Variants in NALF1 observed in about 807,000 individuals in gnomAD.
NALF1 encodes the protein family with sequence similarity 155 member A.
NALF1 carries 3 observed loss-of-function variants against 48.4 expected under a neutral mutation model. That is an observed-to-expected ratio of 0.06 (90% CI 0.03 to 0.16). The LOEUF (loss-of-function observed/expected upper bound fraction) is 0.16. NALF1 is among the 10% of genes least tolerant of loss of function. The pLI is 1.00. For synonymous variants in NALF1, 262 were observed against 245.7 expected (o/e 1.07, Z -0.62); for missense variants, 526 against 571.5 (o/e 0.92, Z 0.81).
chr13:107,241,624 T>C (rs941408939), intron 1 of NALF1, among the ~76,000 whole-genome samples: 2 of 152,204 alleles, frequency 1.3e-5, no homozygotes, highest in Non-Finnish European at 2.9e-5. Context: ...TAAGGATCGA[T>C]ACAGGCAAAG....
At chr13:107,553,272 C>A (rs1877351155) in intron 1 of NALF1, among the ~76,000 whole-genome samples, 2 of 152,174 alleles carry the variant, frequency 1.3e-5, no homozygotes, top group South Asian at 4.1e-4. Context: ...ATGTACTTCA[C>A]ATTTCAGAAA....
chr13:107,799,469 T>C (rs940465641), intron 1 of NALF1, among the ~76,000 whole-genome samples: 2 of 152,180 alleles, frequency 1.3e-5, no homozygotes, highest in African/African-American at 4.8e-5. Flanking sequence ...CTTTTCCTCA[T>C]ATATTTGAAC....
At chr13:107,370,839 A>G (rs145254673) in intron 1 of NALF1, among the ~76,000 whole-genome samples, 2,941 of 152,302 alleles carry the variant, frequency 0.019, 49 homozygotes, top group South Asian at 0.04. Context: ...CCTTCTTCAC[A>G]TGGCAGCAGC....
intron 1 of NALF1, among the ~76,000 whole-genome samples, chr13:107,675,857 C>T (rs1881107295): frequency 6.6e-6 from 1 of 152,126 alleles, no homozygotes; most frequent in African/African-American, 2.4e-5. Context: ...CTAAAAAATG[C>T]ATTTTCCATA....
intron 1 of NALF1, among the ~76,000 whole-genome samples, chr13:107,509,114 T>C (rs1875798571): frequency 6.6e-6 from 1 of 152,168 alleles, no homozygotes; most frequent in Admixed American, 6.6e-5. Flanking sequence ...GGCTCAAATA[T>C]ACAAATTCAG....
chr13:107,272,694 G>A lies in NALF1; in HGVS notation c.916-61939C>T, dbSNP rs559227364. 2.7e-3 allele frequency among the ~76,000 whole-genome samples: 414 copies of A among 152,240 alleles called. 1 individual carries two copies. The highest frequency in any genetic ancestry group is 3.5e-3 in the Non-Finnish European group (236 of 68,028). ...AATGACTTTGTAGGATCATCAGAAA[G>A]TATAAATGAGTATCAAAATATATTT... On this transcript the variant is annotated intron_variant, in intron 1 of 2. Coordinates refer to ENST00000375915, the MANE Select transcript of NALF1 (RefSeq NM_001080396.3).
At chr13:107,643,719 A>G (rs764920927) in intron 1 of NALF1, among the ~76,000 whole-genome samples, 5 of 152,100 alleles carry the variant, frequency 3.3e-5, no homozygotes, top group Non-Finnish European at 7.4e-5. Context: ...TACATTTTCA[A>G]TTTTGAAAGT....
At chr13:107,496,901 G>T (rs1875357405) in intron 1 of NALF1, among the ~76,000 whole-genome samples, 1 of 152,068 alleles carries the variant, frequency 6.6e-6, no homozygotes, top group African/African-American at 2.4e-5. Context: ...CTGCTTCCAG[G>T]ATTCAATTAC....
At position 107,497,490 on chromosome 13, in the gene NALF1, G is replaced by A. The variant is rs141900759; in HGVS notation, c.916-286735C>T. ...TATGGTCATCTCTACAAATATGGTC[G>A]TGCTGATCACCAGGTTTATCTGCCA... On this transcript the variant is annotated intron_variant, in intron 1 of 2. Coordinates refer to ENST00000375915, the MANE Select transcript of NALF1 (RefSeq NM_001080396.3). Among the ~76,000 whole-genome samples, 6 of 152,108 alleles carry A rather than the reference G, an allele frequency of 3.9e-5. No individual in the cohort carries two copies. The South Asian group carries it at 8.3e-4, about 21-fold the overall frequency.
At chr13:107,638,201 A>ATATATATATATATATGTATG (rs372122331) in intron 1 of NALF1, among the ~76,000 whole-genome samples, 1,758 of 110,794 alleles carry the variant, frequency 0.016, 128 homozygotes, top group Non-Finnish European at 0.02. Flanking sequence ...ATATATATAT[A>ATATATATATATATATGTATG]TATATAATTT....
intron 1 of NALF1, among the ~76,000 whole-genome samples, chr13:107,454,374 C>T (rs1379929990): frequency 6.6e-6 from 1 of 152,054 alleles, no homozygotes; most frequent in African/African-American, 2.4e-5. Context: ...TGGCAGAAGA[C>T]AAAGGGAAAG....
At chr13:107,585,470 G>A (rs1226204761) in intron 1 of NALF1, among the ~76,000 whole-genome samples, 1 of 152,150 alleles carries the variant, frequency 6.6e-6, no homozygotes, top group Admixed American at 6.5e-5. Context: ...ACAAATTACT[G>A]TCAGTTTTCT....
intron 1 of NALF1, among the ~76,000 whole-genome samples, chr13:107,648,924 T>C (rs1016073526): frequency 6.6e-6 from 1 of 152,180 alleles, no homozygotes; most frequent in African/African-American, 2.4e-5. Context: ...TATGTTTCCC[T>C]ACAACATGCA....
At chr13:107,326,097 T>A (rs1387416441) in intron 1 of NALF1, among the ~76,000 whole-genome samples, 3 of 151,248 alleles carry the variant, frequency 2.0e-5, no homozygotes, top group East Asian at 1.9e-4. Flanking sequence ...AAACAATTTT[T>A]TTAAAAAAAT....
chr13:107,371,992 C>A (rs567052379), intron 1 of NALF1, among the ~76,000 whole-genome samples: 1 of 152,286 alleles, frequency 6.6e-6, no homozygotes, highest in African/African-American at 2.4e-5. Context: ...CTCTCCCACC[C>A]CGAAGAGGCC....
intron 2 of NALF1, among the ~76,000 whole-genome samples, chr13:107,205,309 G>GT (rs959042032): frequency 3.9e-4 from 60 of 152,176 alleles, no homozygotes; most frequent in Non-Finnish European, 7.8e-4. Flanking sequence ...TTTTGCAAAT[G>GT]TTTTTTCTTT....
intron 1 of NALF1, among the ~76,000 whole-genome samples, chr13:107,471,448 CA>C (rs1179768756): frequency 6.6e-6 from 1 of 152,064 alleles, no homozygotes; most frequent in Non-Finnish European, 1.5e-5. Flanking sequence ...GAAGGGTAGG[CA>C]GGGGCAGCTG....
chr13:107,853,590 A>G (rs535567219), intron 1 of NALF1, among the ~76,000 whole-genome samples: 43 of 152,342 alleles, frequency 2.8e-4, no homozygotes, highest in Admixed American at 2.5e-3. Flanking sequence ...AATTTTCACT[A>G]TGAAAAAATT....
chr13:107,537,993 G>T (rs1277649537), intron 1 of NALF1, among the ~76,000 whole-genome samples: 1 of 151,950 alleles, frequency 6.6e-6, no homozygotes, highest in Non-Finnish European at 1.5e-5. Context: ...CTCCAGCCTG[G>T]GCAGTAAAGT....
Sources: allele counts gnomAD v4.1 joint callset (sites outside exome capture counted in the v4.1 genomes callset), GRCh38; gene constraint gnomAD v4.1.1; transcripts MANE v1.5; gene names NCBI Gene and HGNC (gene_info 2026-07-23, HGNC 2026-07-21).